Variants in ZNF366 observed in about 807,000 individuals in gnomAD.
The protein encoded by ZNF366 is dendritic cell-specific transcript protein.
A neutral mutation model predicts 47.2 loss-of-function variants in ZNF366; 20 were observed. The ratio of observed to expected loss-of-function variants is 0.42; its 90% CI spans 0.30 to 0.62. The LOEUF (loss-of-function observed/expected upper bound fraction) is 0.62, where lower values mean the gene tolerates loss of function less well. ZNF366 is among the 20% of genes least tolerant of loss of function. The pLI is 0.16. For missense variants in ZNF366, 987 were observed against 976.3 expected (o/e 1.01, Z -0.15); for synonymous variants, 421 against 395.1 (o/e 1.07, Z -0.78).
At position 72,468,592 on chromosome 5, in the gene ZNF366, T is replaced by C. The variant is rs1426928402; in HGVS notation, c.-14-7082A>G. ...ATATTTACCATTTGTGTATCTTAAA[T>C]GTATATATTGATAAGAAGCCCTTAG... On this transcript the variant is annotated intron_variant, in intron 1 of 4. Transcript: ENST00000318442. 7.9e-5 allele frequency among the ~76,000 whole-genome samples: 12 copies of C among 152,254 alleles called. 1 individual carries two copies. The highest frequency in any genetic ancestry group is 7.8e-4 in the Admixed American group (12 of 15,288).
rs199694950 is a variant in ZNF366, at chr5:72,461,268, T to C, written c.229A>G (p.Arg77Gly). 1 of 1,614,088 alleles carries C rather than the reference T, an allele frequency of 6.2e-7. No homozygotes were observed. The highest frequency in any genetic ancestry group is 8.5e-7 in the Non-Finnish European group (1 of 1,180,008). ...TTTGTGGGCATGCTCTTCCGTTTCCTAGACCCTGCTCCTTCGAAGACCCCG... is the reference window on the plus strand; with the variant it reads ...TTTGTGGGCATGCTCTTCCGTTTCCCAGACCCTGCTCCTTCGAAGACCCCG... ...FPGVFEGAGS[R>G]KRKSMPTKMP... is the part of the protein sequence containing the mutation. Residue 77 changes from arginine to glycine, a missense_variant, in exon 2 of 5, where the codon AGG becomes GGG. Transcript: ENST00000318442.
At chr5:72,456,642 G>T in intron 2 of ZNF366, 47 bp from the exon 3 acceptor site, 1 of 1,523,786 alleles carries the variant, frequency 6.6e-7, no homozygotes. Flanking sequence ...CAGGTAACAT[G>T]CTTTCATCAG....
rs577747470 is a variant in ZNF366 at position 72,486,563 on chromosome 5, A to C, written c.-15+20688T>G. Reference sequence around the variant, plus strand: ...AGGACAGACTTGGGCTATTTCTAAAAGTGAGATTCTGATCCAAAACAGTAG... The same window carrying C: ...AGGACAGACTTGGGCTATTTCTAAACGTGAGATTCTGATCCAAAACAGTAG... On this transcript the variant is annotated intron_variant, in intron 1 of 4. Coordinates refer to ENST00000318442, the MANE Select transcript of ZNF366 (RefSeq NM_152625.3). 2.7e-3 allele frequency among the ~76,000 whole-genome samples: 405 copies of C among 152,314 alleles called. 2 individuals carry two copies. Among genetic ancestry groups the C allele is most frequent in the Non-Finnish European group, 4.9e-3 (334 of 68,028 alleles).
chr5:72,445,386 G>A (rs186940619), intron 4 of ZNF366, among the ~76,000 whole-genome samples: 2 of 151,960 alleles, frequency 1.3e-5, no homozygotes, highest in East Asian at 3.9e-4. Flanking sequence ...AGAAGGGTAG[G>A]GGCGATGATG....
intron 2 of ZNF366, among the ~76,000 whole-genome samples, chr5:72,458,695 C>T (rs1163206813): frequency 4.6e-5 from 7 of 152,126 alleles, no homozygotes; most frequent in Admixed American, 1.3e-4. Flanking sequence ...AACTGCAGAT[C>T]GGGAGTAGCT....
At chr5:72,449,265 A>G (rs1192649639) in intron 3 of ZNF366, among the ~76,000 whole-genome samples, 3 of 88,526 alleles carry the variant, frequency 3.4e-5, no homozygotes, top group South Asian at 6.8e-4. Flanking sequence ...TTTTTTTTTG[A>G]GATGGAGTCT....
Position 72,443,652 on chromosome 5 carries a change from G to A in ZNF366, c.*104C>T. 8.0e-7 allele frequency: 1 copy of A among 1,244,196 alleles called. No individual in the cohort carries two copies. Among genetic ancestry groups the A allele is most frequent in the Non-Finnish European group, 1.1e-6 (1 of 904,510 alleles). 77.1% of individuals were successfully genotyped at this position (1,244,196 alleles called of 1,614,324 possible). On this transcript the variant is annotated 3_prime_UTR_variant, in exon 5 of 5. Coordinates refer to ENST00000318442, the MANE Select transcript of ZNF366 (RefSeq NM_152625.3). ...TCATTTAGTCTAAGCCATTTGTAGA[G>A]ATTGGTACTATTCGCCAGTCTCCAG... is the stretch of plus-strand genomic sequence containing the variant.
intron 1 of ZNF366, among the ~76,000 whole-genome samples, chr5:72,482,746 T>TTGTGTGTGTGTG (rs3041122): frequency 0.018 from 2,493 of 141,032 alleles, 45 homozygotes; most frequent in African/African-American, 0.051. Context: ...CATTTCTATT[T>TTGTGTGTGTGTG]TGTGTGTGTG....
At chr5:72,462,550 T>TCTTTC (rs1554031612) in intron 1 of ZNF366, among the ~76,000 whole-genome samples, 16 of 133,904 alleles carry the variant, frequency 1.2e-4, no homozygotes, top group African/African-American at 1.5e-4. Context: ...TTTCTTTCTT[T>TCTTTC]TTTTTTTTTT....
chr5:72,456,844 C>T (rs1580235117), intron 2 of ZNF366, among the ~76,000 whole-genome samples: 1 of 152,074 alleles, frequency 6.6e-6, no homozygotes, highest in Non-Finnish European at 1.5e-5. Flanking sequence ...AAAGCTCTTG[C>T]TTTTGTTGTT....
intron 3 of ZNF366, among the ~76,000 whole-genome samples, chr5:72,448,896 A>T (rs1442045721): frequency 6.6e-6 from 1 of 152,146 alleles, no homozygotes; most frequent in Non-Finnish European, 1.5e-5. Flanking sequence ...TGTATTCTTG[A>T]ATGATTCATG....
chr5:72,489,426 G>A (rs778149413), intron 1 of ZNF366, among the ~76,000 whole-genome samples: 1 of 152,068 alleles, frequency 6.6e-6, no homozygotes. Flanking sequence ...AGATTTAGGG[G>A]TTGTTTGTTA....
At chr5:72,505,825 G>A (rs1460487859) in intron 1 of ZNF366, among the ~76,000 whole-genome samples, 1 of 152,182 alleles carries the variant, frequency 6.6e-6, no homozygotes, top group Admixed American at 6.5e-5. Flanking sequence ...TAGGGGAGGT[G>A]GTAGGGTAGC....
rs112120525 is a variant in ZNF366 at position 72,481,022 on chromosome 5, C to T, written c.-14-19512G>A. On this transcript the variant is annotated intron_variant, in intron 1 of 4. Coordinates refer to ENST00000318442, the MANE Select transcript of ZNF366 (RefSeq NM_152625.3). ...AAAGAGTGCGGGAAATATTGAAGGA[C>T]GGAAGGAACACCATGTGTGGACACC... Among the ~76,000 whole-genome samples the T allele has an allele frequency of 6.3e-3, 964 of 152,164 alleles. 7 individuals carry two copies. The highest frequency in any genetic ancestry group is 0.022 in the African/African-American group (921 of 41,506).
At chr5:72,496,064 C>T (rs1744105933) in intron 1 of ZNF366, among the ~76,000 whole-genome samples, 1 of 151,754 alleles carries the variant, frequency 6.6e-6, no homozygotes, top group South Asian at 2.1e-4. Flanking sequence ...TTGGAGATTG[C>T]TCCCTTATCA....
intron 1 of ZNF366, among the ~76,000 whole-genome samples, chr5:72,473,284 G>A (rs375026189): frequency 6.2e-4 from 94 of 152,332 alleles, no homozygotes; most frequent in Non-Finnish European, 1.2e-3. Flanking sequence ...GAGGGAGATT[G>A]TCAGTGTGGA....
At chr5:72,503,555 ACG>A (rs1248496851) in intron 1 of ZNF366, among the ~76,000 whole-genome samples, 105 of 151,762 alleles carry the variant, frequency 6.9e-4, no homozygotes, top group African/African-American at 2.3e-3. Context: ...ACACACACAC[ACG>A]CACACCTCGA....
At chr5:72,473,510 C>T (rs1468415513) in intron 1 of ZNF366, among the ~76,000 whole-genome samples, 1 of 152,236 alleles carries the variant, frequency 6.6e-6, no homozygotes. Context: ...ATCCTGTCAA[C>T]TGCAGTCAGA....
Position 72,440,125 on chromosome 5 carries a change from T to A in ZNF366, c.*3631A>T, listed in dbSNP as rs1331397486. 1 of 152,254 alleles carries A rather than the reference T, an allele frequency of 6.6e-6. No individual in the cohort carries two copies. Among genetic ancestry groups the A allele is most frequent in the Non-Finnish European group, 1.5e-5 (1 of 68,038 alleles). The allele number at this position is 152,254 out of a possible 1,614,324, so 9.4% of individuals were successfully genotyped here. ...AGGATTTCAAACGTTAGCTCTGTTA[T>A]ATTTTGTTCCAGCAAAGCAGACAAA... On this transcript the variant is annotated 3_prime_UTR_variant, in exon 5 of 5. Transcript: ENST00000318442.
Sources: allele counts gnomAD v4.1 joint callset (sites outside exome capture counted in the v4.1 genomes callset), GRCh38; gene constraint gnomAD v4.1.1; transcripts MANE v1.5; gene names NCBI Gene and HGNC (gene_info 2026-07-23, HGNC 2026-07-21).